Variants in BANF2 observed in about 807,000 individuals in gnomAD.
BANF2 encodes the protein barrier-to-autointegration factor-like protein.
BANF2 carries 4 observed loss-of-function variants against 8.0 expected under a neutral mutation model. The observed-to-expected ratio is 0.50, with a 90% confidence interval of 0.25 to 1.14. The LOEUF is 1.14. Among genes scored for constraint, BANF2 ranks in the 50% most tolerant of loss-of-function variants. BANF2 has a pLI of 0.16. For missense variants in BANF2, 96 were observed against 107.5 expected, an observed-to-expected ratio of 0.89 and a Z score of 0.47; for synonymous variants, 50 against 40.6, an observed-to-expected ratio of 1.23 and a Z score of -0.88.
intron 2 of BANF2, among the ~76,000 whole-genome samples, chr20:17,723,994 A>C (rs2037767178): frequency 6.6e-6 from 1 of 152,152 alleles, no homozygotes; most frequent in African/African-American, 2.4e-5. Context: ...AAACTTCATC[A>C]CAAAAACAAA....
chr20:17,699,962 G>A (rs556948901), upstream of BANF2: 10 of 984,952 alleles, frequency 1.0e-5, no homozygotes, highest in South Asian at 4.2e-4. Flanking sequence ...TGCCCCATGG[G>A]CCTAAGACAT....
At chr20:17,696,733 A>G (rs977242911), upstream of BANF2, among the ~76,000 whole-genome samples, 2 of 152,142 alleles carry the variant, frequency 1.3e-5, no homozygotes, top group Non-Finnish European at 2.9e-5. Context: ...CCAAGTTGAA[A>G]TGTGGAGGAA....
At chr20:17,716,711 T>A (rs1447845299) in intron 1 of BANF2, among the ~76,000 whole-genome samples, 2 of 150,992 alleles carry the variant, frequency 1.3e-5, no homozygotes, top group Non-Finnish European at 3.0e-5. Flanking sequence ...TGGTGCGGCA[T>A]GCATCTGTGG....
chr20:17,723,811 A>T (rs188263380), intron 2 of BANF2, among the ~76,000 whole-genome samples: 12 of 152,292 alleles, frequency 7.9e-5, no homozygotes, highest in African/African-American at 2.9e-4. Flanking sequence ...CCTGGTCAAC[A>T]TGGTGAAACC....
At chr20:17,726,458 G>T (rs1172852388) in intron 3 of BANF2, among the ~76,000 whole-genome samples, 1 of 152,170 alleles carries the variant, frequency 6.6e-6, no homozygotes, top group Non-Finnish European at 1.5e-5. Flanking sequence ...AAAGTGCTAA[G>T]ATTATAGGTG....
chr20:17,703,709 C>T (rs2037441645), intron 1 of BANF2, among the ~76,000 whole-genome samples: 1 of 150,266 alleles, frequency 6.7e-6, no homozygotes, highest in African/African-American at 2.5e-5. Flanking sequence ...GGTTTTCTTA[C>T]AGCATGGAGG....
At chr20:17,725,463 G>A (rs2037795066) in intron 3 of BANF2, among the ~76,000 whole-genome samples, 1 of 152,248 alleles carries the variant, frequency 6.6e-6, no homozygotes, top group South Asian at 2.1e-4. Context: ...GAGATGAGCT[G>A]TCAGGATGGA....
chr20:17,694,814 G>A (rs1451184704), intron 1 of BANF2, among the ~76,000 whole-genome samples: 1 of 151,602 alleles, frequency 6.6e-6, no homozygotes, highest in African/African-American at 2.4e-5. Flanking sequence ...TAGAGACAGG[G>A]TCTCACTTGG....
chr20:17,705,311 A>C (rs1030229112), intron 1 of BANF2, among the ~76,000 whole-genome samples: 1 of 152,232 alleles, frequency 6.6e-6, no homozygotes, highest in Non-Finnish European at 1.5e-5. Context: ...TCATGAGAAC[A>C]GGTGTTGAAG....
At chr20:17,708,262 CCT>C (rs2037516124) in intron 1 of BANF2, among the ~76,000 whole-genome samples, 1 of 151,844 alleles carries the variant, frequency 6.6e-6, no homozygotes, top group African/African-American at 2.4e-5. Flanking sequence ...ACCTGAGATC[CCT>C]GATCCACAAA....
intron 1 of BANF2, among the ~76,000 whole-genome samples, chr20:17,701,782 A>C (rs1239278195): frequency 1.3e-5 from 2 of 152,192 alleles, no homozygotes; most frequent in Admixed American, 1.3e-4. Flanking sequence ...AGAGGAACCC[A>C]GGCTGGTTGA....
intron 1 of BANF2, among the ~76,000 whole-genome samples, chr20:17,714,179 G>A (rs2037615858): frequency 1.7e-5 from 2 of 118,394 alleles, no homozygotes; most frequent in African/African-American, 3.5e-5. Flanking sequence ...CAGCCTGGGC[G>A]ACAGAGTGAG....
chr20:17,721,091 GT>G (rs1376097733), intron 1 of BANF2, among the ~76,000 whole-genome samples: 2 of 152,190 alleles, frequency 1.3e-5, no homozygotes, highest in Admixed American at 6.5e-5. Flanking sequence ...AGACATTGTT[GT>G]TTGCCTACCC....
chr20:17,719,598 G>A (rs2037701148), intron 1 of BANF2, among the ~76,000 whole-genome samples: 1 of 151,576 alleles, frequency 6.6e-6, no homozygotes, highest in African/African-American at 2.4e-5. Context: ...TCATTCCCAA[G>A]TCAACAGAGA....
chr20:17,735,637 T>G, intron 3 of BANF2, 28 bp from the exon 4 acceptor site: 1 of 1,608,764 alleles, frequency 6.2e-7, no homozygotes, highest in Non-Finnish European at 8.5e-7. Flanking sequence ...CCTTTCCTGC[T>G]TTCCTCCCTG....
intron 1 of BANF2, among the ~76,000 whole-genome samples, chr20:17,708,521 G>A (rs1371890879): frequency 6.6e-6 from 1 of 152,146 alleles, no homozygotes; most frequent in African/African-American, 2.4e-5. Context: ...TCCAGAAAGG[G>A]GTGGCCTCCT....
exon 1 of BANF2, chr20:17,693,683 C>A: frequency 6.4e-7 from 1 of 1,551,562 alleles, no homozygotes; most frequent in East Asian, 2.4e-5. Context: ...AGCAACCCTG[C>A]GCTGAATGCT....
At chr20:17,725,924 T>C (rs78549670) in intron 3 of BANF2, among the ~76,000 whole-genome samples, 4,566 of 152,258 alleles carry the variant, frequency 0.03, 191 homozygotes, top group African/African-American at 0.091. Flanking sequence ...GCTGCACACA[T>C]GGCTGACGAC....
At chr20:17,717,477 A>G (rs2122610659) in intron 1 of BANF2, among the ~76,000 whole-genome samples, 1 of 152,338 alleles carries the variant, frequency 6.6e-6, no homozygotes, top group East Asian at 1.9e-4. Context: ...AAGTAGAAAC[A>G]GAAAATGAAG....
Sources: allele counts gnomAD v4.1 joint callset (sites outside exome capture counted in the v4.1 genomes callset), GRCh38; gene constraint gnomAD v4.1.1; transcripts MANE v1.5; gene names NCBI Gene and HGNC (gene_info 2026-07-23, HGNC 2026-07-21).